The following ZFHX3 variants were observed in gnomAD, a reference collection of about 807,000 sequenced individuals.
ZFHX3 encodes the protein zinc finger homeobox 3.
Under a neutral mutation model 279.1 loss-of-function variants are expected in ZFHX3, and 42 were observed. The observed-to-expected ratio is 0.15, with a 90% CI of 0.12 to 0.19. The LOEUF (loss-of-function observed/expected upper bound fraction) is 0.19. Among genes scored for constraint, ZFHX3 ranks in the 10% least tolerant of loss-of-function variants. The pLI is 1.00. For missense variants in ZFHX3, 4,981 were observed against 4,754.0 expected (o/e 1.05, Z -1.40); for synonymous variants, 2,293 against 1,957.8 (o/e 1.17, Z -4.52).
At chr16:73,080,778 T>C (rs1481650963) in intron 8 of ZFHX3, among the ~76,000 whole-genome samples, 1 of 152,094 alleles carries the variant, frequency 6.6e-6, no homozygotes, top group African/African-American at 2.4e-5. Context: ...AGGGTCTTGC[T>C]ATGTTGACCA....
chr16:73,640,753 C>T (rs570717530), intron 2 of ZFHX3, among the ~76,000 whole-genome samples: 37 of 152,112 alleles, frequency 2.4e-4, no homozygotes, highest in African/African-American at 6.7e-4. Context: ...AGAGAATAAA[C>T]GAAAACCGAG....
chr16:73,838,819 C>T (rs534319447), intron 1 of ZFHX3, among the ~76,000 whole-genome samples: 2 of 151,914 alleles, frequency 1.3e-5, no homozygotes, highest in South Asian at 2.1e-4. Flanking sequence ...TGGTGTGTAC[C>T]GCTAGGTCAG....
intron 3 of ZFHX3, among the ~76,000 whole-genome samples, chr16:72,926,146 G>A (rs1354581666): frequency 6.6e-6 from 1 of 152,112 alleles, no homozygotes; most frequent in Non-Finnish European, 1.5e-5. Flanking sequence ...ACTTAACAAG[G>A]AATAATGTTG....
At chr16:73,635,858 T>G (rs2052522895) in intron 2 of ZFHX3, among the ~76,000 whole-genome samples, 1 of 152,256 alleles carries the variant, frequency 6.6e-6, no homozygotes, top group South Asian at 2.1e-4. Flanking sequence ...ATAAAACTAC[T>G]TGAAAGAGTT....
chr16:73,619,442 C>T (rs972472334), intron 2 of ZFHX3, among the ~76,000 whole-genome samples: 16 of 150,300 alleles, frequency 1.1e-4, no homozygotes, highest in African/African-American at 3.9e-4. Context: ...GAGCGGAGAT[C>T]GTGCCACTGC....
intron 2 of ZFHX3, among the ~76,000 whole-genome samples, chr16:73,560,066 A>T (rs1045738584): frequency 6.6e-6 from 1 of 152,070 alleles, no homozygotes; most frequent in Non-Finnish European, 1.5e-5. Context: ...GGGAAAAAAA[A>T]CCCCAGTGCC....
intron 2 of ZFHX3, among the ~76,000 whole-genome samples, chr16:73,483,616 T>G (rs1597353397): frequency 3.5e-5 from 5 of 144,866 alleles, no homozygotes; most frequent in South Asian, 2.3e-4. Context: ...AAAGGGAGAG[T>G]GGGGGGCGGG....
intron 3 of ZFHX3, among the ~76,000 whole-genome samples, chr16:73,348,137 G>A (rs1051247178): frequency 4.6e-5 from 7 of 152,148 alleles, no homozygotes; most frequent in African/African-American, 1.7e-4. Context: ...CAGGCCGACT[G>A]CTTAAAAGGA....
At chr16:73,053,814 G>A (rs899025034) in intron 1 of ZFHX3, among the ~76,000 whole-genome samples, 4 of 152,162 alleles carry the variant, frequency 2.6e-5, no homozygotes, top group African/African-American at 9.7e-5. Context: ...AGAGGGCCCT[G>A]CAAAGAAGCA....
Position 72,786,362 on chromosome 16 carries a change from C to CTTAT in ZFHX3, c.*798_*801dup, listed in dbSNP as rs956166949. 15 of 149,054 alleles carry CTTAT rather than the reference C, an allele frequency of 1.0e-4. No homozygotes were observed. Among genetic ancestry groups the CTTAT allele is most frequent in the African/African-American group, 2.7e-4 (11 of 40,260 alleles). 9.2% of individuals were successfully genotyped at this position (149,054 alleles called of 1,614,324 possible). On this transcript the variant is annotated 3_prime_UTR_variant, in exon 10 of 10. Transcript: ENST00000268489. ...AAATACAGAAAGTCAGTTTTTAAAA[C>CTTAT]TTATTTTTTTTAAGCTACAAGTCCT... is the stretch of plus-strand genomic sequence containing the variant.
chr16:73,530,050 C>G (rs1318865653), intron 2 of ZFHX3, among the ~76,000 whole-genome samples: 2 of 152,112 alleles, frequency 1.3e-5, no homozygotes, highest in African/African-American at 4.8e-5. Flanking sequence ...AGAGACATAG[C>G]TGAGACTGGG....
intron 5 of ZFHX3, among the ~76,000 whole-genome samples, chr16:73,247,941 C>T (rs888182064): frequency 3.3e-4 from 34 of 104,232 alleles, no homozygotes; most frequent in South Asian, 6.8e-4. Context: ...TGTGTGTGTT[C>T]GTATACTATG....
At chr16:72,910,466 G>A (rs2039289806) in intron 3 of ZFHX3, among the ~76,000 whole-genome samples, 1 of 152,174 alleles carries the variant, frequency 6.6e-6, no homozygotes, top group Non-Finnish European at 1.5e-5. Context: ...GAAAAATGAA[G>A]TATTTAGGTG....
chr16:73,210,818 C>T (rs991271971), intron 5 of ZFHX3, among the ~76,000 whole-genome samples: 1 of 152,060 alleles, frequency 6.6e-6, no homozygotes, highest in African/African-American at 2.4e-5. Context: ...GAGGCAGAAG[C>T]ATCTTAGCTT....
chr16:73,855,813 C>A (rs1228335570), intron 1 of ZFHX3, among the ~76,000 whole-genome samples: 2 of 152,166 alleles, frequency 1.3e-5, no homozygotes, highest in Non-Finnish European at 2.9e-5. Context: ...GAACATTCAG[C>A]AAAGGCATCC....
chr16:73,889,019 A>T (rs953558735), intron 1 of ZFHX3, among the ~76,000 whole-genome samples: 3 of 152,162 alleles, frequency 2.0e-5, no homozygotes, highest in African/African-American at 7.2e-5. Context: ...TCTAATAGAA[A>T]CAAATTGGCA....
chr16:72,796,350 G>C lies in ZFHX3; in HGVS notation c.6332C>G (p.Pro2111Arg). 1 of 1,613,928 alleles carries C rather than the reference G, an allele frequency of 6.2e-7. No individual in the cohort carries two copies. Among genetic ancestry groups the C allele is most frequent in the Non-Finnish European group, 8.5e-7 (1 of 1,179,968 alleles). ...MMQTMPLQTL[P>R]AQLPPQLGPV... ...TCCCAGCTGCGGGGGTAGCTGAGCC[G>C]GCAAGGTCTGCAGCGGCATCGTCTG... The change falls in exon 9 of 10, where the codon CCG becomes CGG. Residue 2111 changes from proline to arginine, a missense_variant. By Grantham distance (103) the Pro-to-Arg change is moderately radical. This residue lies in a region of ZFHX3 where 1,751 missense variants were observed against 1,770.0 expected (regional missense o/e 0.99). Transcript: ENST00000268489.
At chr16:73,789,199 G>T (rs937369407) in intron 1 of ZFHX3, among the ~76,000 whole-genome samples, 1 of 150,008 alleles carries the variant, frequency 6.7e-6, no homozygotes, top group Non-Finnish European at 1.5e-5. Flanking sequence ...TATTTTTTTT[G>T]AGATGGAGTC....
intron 3 of ZFHX3, among the ~76,000 whole-genome samples, chr16:72,922,321 C>T (rs868818834): frequency 6.6e-6 from 1 of 152,174 alleles, no homozygotes; most frequent in Non-Finnish European, 1.5e-5. Flanking sequence ...CCTCTCCTAA[C>T]CATCCCCGCA....
Sources: gnomAD v4.1 joint callset for allele counts (sites outside exome capture counted in the v4.1 genomes callset) on GRCh38, gnomAD v4.1.1 for gene constraint, gnomAD v4.1.1 regional missense constraint, MANE v1.5 for transcripts, NCBI Gene and HGNC (gene_info 2026-07-23, HGNC 2026-07-21) for gene names.